Variants in CHN1 observed in about 807,000 individuals in gnomAD.
CHN1 encodes N-chimaerin.
A neutral mutation model predicts 59.5 loss-of-function variants in CHN1; 37 were observed. The observed-to-expected ratio is 0.62, with a 90% CI of 0.48 to 0.82. CHN1 has a LOEUF of 0.82. Among genes scored for constraint, CHN1 ranks in the 40% least tolerant of loss-of-function variants. The pLI is 0.00. For synonymous variants in CHN1, 206 were observed against 200.4 expected, an observed-to-expected ratio of 1.03 and a Z score of -0.24; for missense variants, 469 against 571.0, an observed-to-expected ratio of 0.82 and a Z score of 1.82.
intron 8 of CHN1, among the ~76,000 whole-genome samples, chr2:174,816,931 C>G (rs900583106): frequency 6.6e-6 from 1 of 151,942 alleles, no homozygotes; most frequent in Admixed American, 6.6e-5. Flanking sequence ...TGGTAAAAAG[C>G]TATCCCAATA....
chr2:174,847,058 C>G (rs1386188654), intron 6 of CHN1, 101 bp from the exon 7 acceptor site: 8 of 1,551,654 alleles, frequency 5.2e-6, no homozygotes, highest in Non-Finnish European at 7.0e-6. Flanking sequence ...ATCTTGCTGA[C>G]GGCCCTCTTG....
chr2:174,955,192 A>ATATC (rs1690161115), intron 1 of CHN1, among the ~76,000 whole-genome samples: 1 of 101,908 alleles, frequency 9.8e-6, no homozygotes, highest in African/African-American at 4.4e-5. Flanking sequence ...ATCTATATAT[A>ATATC]TATATATAAT....
At chr2:174,987,980 A>C (rs963552957) in intron 1 of CHN1, among the ~76,000 whole-genome samples, 5 of 152,162 alleles carry the variant, frequency 3.3e-5, no homozygotes, top group African/African-American at 1.2e-4. Flanking sequence ...GACCAAAAAA[A>C]ACCCTCCAAA....
chr2:174,995,471 T>G (rs1691677052), intron 1 of CHN1, among the ~76,000 whole-genome samples: 1 of 152,038 alleles, frequency 6.6e-6, no homozygotes, highest in African/African-American at 2.4e-5. Context: ...GGTGGGGGGA[T>G]GGGGGCATGC....
At chr2:174,816,377 T>C (rs907666064) in intron 8 of CHN1, among the ~76,000 whole-genome samples, 2 of 152,214 alleles carry the variant, frequency 1.3e-5, no homozygotes, top group African/African-American at 4.8e-5. Flanking sequence ...AACTGGCTTG[T>C]ACCTAGACTC....
At chr2:174,898,073 A>G (rs1306392450) in intron 5 of CHN1, among the ~76,000 whole-genome samples, 1 of 152,172 alleles carries the variant, frequency 6.6e-6, no homozygotes, top group African/African-American at 2.4e-5. Context: ...GGAGTGACAA[A>G]TGAGAATAAA....
intron 6 of CHN1, among the ~76,000 whole-genome samples, chr2:174,865,890 G>T (rs1687202520): frequency 6.6e-6 from 1 of 152,144 alleles, no homozygotes; most frequent in Admixed American, 6.5e-5. Context: ...GCAGCTAGAA[G>T]GGACCTTGTG....
intron 3 of CHN1, among the ~76,000 whole-genome samples, chr2:174,927,798 A>G (rs1334057056): frequency 6.6e-6 from 1 of 152,244 alleles, no homozygotes; most frequent in Non-Finnish European, 1.5e-5. Context: ...GTGAAAAATG[A>G]TACACATAGG....
intron 8 of CHN1, chr2:174,821,636 T>G: frequency 2.9e-6 from 1 of 338,992 alleles, no homozygotes; most frequent in Non-Finnish European, 6.1e-6. Flanking sequence ...TATACTCTTC[T>G]GCCAAATCAT....
intron 5 of CHN1, among the ~76,000 whole-genome samples, chr2:174,889,921 A>G (rs1450874450): frequency 6.6e-6 from 1 of 151,788 alleles, no homozygotes; most frequent in Non-Finnish European, 1.5e-5. Context: ...GTGTATGTAT[A>G]TATATGAAAT....
chr2:174,881,642 T>C lies in CHN1; in HGVS notation c.261-3514A>G, dbSNP rs574642643. Among the ~76,000 whole-genome samples the C allele has an allele frequency of 1.1e-3, 161 of 152,290 alleles. 1 individual carries two copies. The highest frequency in any genetic ancestry group is 3.4e-3 in the African/African-American group (142 of 41,560). On this transcript the variant is annotated intron_variant, in intron 5 of 12. Transcript: ENST00000409900. ...ACACTAAAGTAAAACAGCAAAAATA[T>C]TCAATAGATATGCATGGAAGATGGC...
chr2:174,941,261 C>T (rs1380838397), intron 3 of CHN1, among the ~76,000 whole-genome samples: 1 of 152,142 alleles, frequency 6.6e-6, no homozygotes, highest in Non-Finnish European at 1.5e-5. Context: ...AAATCAGGAA[C>T]TTCTCTAAAA....
At chr2:175,004,149 A>G (rs972529111) in intron 1 of CHN1, among the ~76,000 whole-genome samples, 3 of 152,234 alleles carry the variant, frequency 2.0e-5, no homozygotes, top group Non-Finnish European at 4.4e-5. Context: ...TCGTTTTGTA[A>G]AAGGAAAGAA....
chr2:174,914,794 G>A (rs1160027825), intron 5 of CHN1, among the ~76,000 whole-genome samples: 1 of 145,608 alleles, frequency 6.9e-6, no homozygotes, highest in Admixed American at 7.0e-5. Context: ...GCAGTGAGCC[G>A]AGATCGTGCC....
intron 3 of CHN1, among the ~76,000 whole-genome samples, chr2:174,938,721 T>G (rs1316007104): frequency 6.6e-6 from 1 of 152,154 alleles, no homozygotes; most frequent in Non-Finnish European, 1.5e-5. Flanking sequence ...TAACAGACTA[T>G]AAGTTGTGAA....
chr2:174,850,709 G>T (rs1686702128), intron 6 of CHN1, among the ~76,000 whole-genome samples: 1 of 152,100 alleles, frequency 6.6e-6, no homozygotes, highest in Non-Finnish European at 1.5e-5. Context: ...CCTTCCCATT[G>T]TGTTTTGTCT....
chr2:174,949,904 G>A (rs968014090), intron 2 of CHN1, among the ~76,000 whole-genome samples: 1 of 152,014 alleles, frequency 6.6e-6, no homozygotes, highest in African/African-American at 2.4e-5. Context: ...TGATTACGGG[G>A]AGTTCAGACA....
In CHN1 at chr2:174,914,586, C is replaced by T. The variant is rs982509439; in HGVS notation, c.260+472G>A. On this transcript the variant is annotated intron_variant, in intron 5 of 12. Coordinates refer to ENST00000409900, the MANE Select transcript of CHN1 (RefSeq NM_001822.7). ...TTCAGGCCGGGTGTGGTGGTTCACG[C>T]CTATAATCCCAGCACTTTGGGAGGC... is the stretch of plus-strand genomic sequence containing the variant. Among the ~76,000 whole-genome samples the T allele has an allele frequency of 5.3e-5, 8 of 152,076 alleles. No homozygotes were observed. The South Asian group carries it at 1.5e-3, about 28-fold the overall frequency.
intron 3 of CHN1, among the ~76,000 whole-genome samples, chr2:174,933,513 A>G (rs908188395): frequency 1.3e-5 from 2 of 152,212 alleles, no homozygotes; most frequent in Admixed American, 1.3e-4. Flanking sequence ...ATTTGTATGT[A>G]TAGGGAAGTC....
Sources: allele counts gnomAD v4.1 joint callset (sites outside exome capture counted in the v4.1 genomes callset), GRCh38; gene constraint gnomAD v4.1.1; transcripts MANE v1.5; gene names NCBI Gene and HGNC (gene_info 2026-07-23, HGNC 2026-07-21).